Variants in FNIP1 observed in about 807,000 individuals in gnomAD.
FNIP1 encodes folliculin interacting protein 1, also known as folliculin-interacting protein 1.
A neutral mutation model predicts 124.5 loss-of-function variants in FNIP1; 40 were observed. That is an observed-to-expected ratio of 0.32 (90% CI 0.25 to 0.42). The LOEUF (loss-of-function observed/expected upper bound fraction) is 0.42. Ranked by LOEUF, FNIP1 falls within the 10% of genes least tolerant of loss-of-function variation. FNIP1 has a pLI of 1.00. For missense variants in FNIP1, 1,176 were observed against 1,403.7 expected (o/e 0.84, Z 2.59); for synonymous variants, 472 against 470.6 (o/e 1.00, Z -0.04).
intron 1 of FNIP1, among the ~76,000 whole-genome samples, chr5:131,765,566 T>C (rs1258506721): frequency 3.3e-5 from 5 of 152,258 alleles, no homozygotes; most frequent in Non-Finnish European, 7.3e-5. Flanking sequence ...AAATCAAAAC[T>C]ATTTTAATTC....
intron 15 of FNIP1, among the ~76,000 whole-genome samples, chr5:131,659,350 G>A (rs1262204437): frequency 1.3e-5 from 2 of 152,218 alleles, no homozygotes; most frequent in Non-Finnish European, 2.9e-5. Context: ...CCTCAGGGCA[G>A]CAGGATAGCT....
At chr5:131,787,857 T>C (rs1772268690) in intron 1 of FNIP1, among the ~76,000 whole-genome samples, 2 of 152,044 alleles carry the variant, frequency 1.3e-5, no homozygotes. Flanking sequence ...ACACCTGTAA[T>C]CCCAACACTT....
At chr5:131,739,993 C>G (rs894544708) in intron 2 of FNIP1, among the ~76,000 whole-genome samples, 1 of 152,042 alleles carries the variant, frequency 6.6e-6, no homozygotes, top group African/African-American at 2.4e-5. Context: ...ACACTACCCC[C>G]ACCCCAAACA....
intron 1 of FNIP1, among the ~76,000 whole-genome samples, chr5:131,751,953 T>C (rs532783808): frequency 1.1e-3 from 174 of 152,270 alleles, no homozygotes; most frequent in African/African-American, 4.1e-3. Context: ...AAACACTGAA[T>C]CACGCACTTT....
chr5:131,737,338 A>G (rs760028764), intron 2 of FNIP1, among the ~76,000 whole-genome samples: 1 of 152,178 alleles, frequency 6.6e-6, no homozygotes, highest in South Asian at 2.1e-4. Flanking sequence ...ATGTGTGTGT[A>G]TGTGCATCCT....
rs184070349 is a variant in FNIP1, at chr5:131,758,804, A to G, written c.93-14114T>C. On this transcript the variant is annotated intron_variant, in intron 1 of 17. Coordinates refer to ENST00000510461, the MANE Select transcript of FNIP1 (RefSeq NM_133372.3). ...AACTCCTGTAACACACATTACTGAC[A>G]ACTAAAATAGGACTAAGCCATGCAT... Among the ~76,000 whole-genome samples the G allele has an allele frequency of 1.8e-4, 27 of 152,272 alleles. 1 individual carries two copies. The East Asian group carries it at 5.0e-3, about 28-fold the overall frequency.
At chr5:131,698,891 A>C in intron 11 of FNIP1, 26 bp downstream of exon 11, 1 of 1,571,784 alleles carries the variant, frequency 6.4e-7, no homozygotes, top group South Asian at 1.2e-5. Flanking sequence ...GAATTACTGC[A>C]TTATGGAAAG....
At chr5:131,737,116 A>G (rs921409413) in intron 2 of FNIP1, among the ~76,000 whole-genome samples, 1 of 152,244 alleles carries the variant, frequency 6.6e-6, no homozygotes, top group Non-Finnish European at 1.5e-5. Context: ...GAGATAACAA[A>G]GTAAAATAAT....
At chr5:131,690,298 T>C (rs181042076) in intron 11 of FNIP1, among the ~76,000 whole-genome samples, 113 of 152,290 alleles carry the variant, frequency 7.4e-4, no homozygotes, top group South Asian at 6.2e-3. Context: ...ACATTAACAC[T>C]AACCAAAAGA....
intron 1 of FNIP1, among the ~76,000 whole-genome samples, chr5:131,766,345 AGTTTTT>A (rs1771424403): frequency 6.6e-6 from 1 of 152,084 alleles, no homozygotes; most frequent in Non-Finnish European, 1.5e-5. Flanking sequence ...GCTGGCCTGT[AGTTTTT>A]AAAGCCCTGC....
At chr5:131,777,440 A>G (rs903442025) in intron 1 of FNIP1, among the ~76,000 whole-genome samples, 1 of 152,174 alleles carries the variant, frequency 6.6e-6, no homozygotes, top group African/African-American at 2.4e-5. Context: ...CATGCTTGGA[A>G]TAACACACGG....
At chr5:131,723,716 A>G (rs552652822) in intron 3 of FNIP1, among the ~76,000 whole-genome samples, 22 of 152,252 alleles carry the variant, frequency 1.4e-4, no homozygotes, top group Non-Finnish European at 2.9e-4. Flanking sequence ...TTTAAAAAAA[A>G]TTATTATTAT....
At chr5:131,777,052 C>G (rs1239181241) in intron 1 of FNIP1, among the ~76,000 whole-genome samples, 1 of 151,726 alleles carries the variant, frequency 6.6e-6, no homozygotes, top group Non-Finnish European at 1.5e-5. Flanking sequence ...AGCAACATAG[C>G]GAGACTCTGT....
chr5:131,671,871 G>A lies in FNIP1; in HGVS notation c.2573C>T (p.Thr858Ile), dbSNP rs1194863561. 6.2e-7 allele frequency: 1 copy of A among 1,614,006 alleles called. No homozygotes were observed. Among genetic ancestry groups the A allele is most frequent in the Admixed American group, 1.7e-5 (1 of 60,018 alleles). ...CATACAGCAATGGTCTTTACTATCT[G>A]TACTTGTTTTAAATGGAACATCATC... ...TIDDVPFKTS[T>I]DSKDHCCMLE... Residue 858 changes from threonine to isoleucine, a missense_variant, in exon 14 of 18, where the codon ACA becomes ATA. Thr to Ile is a moderately conservative substitution (Grantham distance 89, BLOSUM62 -1). Coordinates refer to ENST00000510461, the MANE Select transcript of FNIP1 (RefSeq NM_133372.3).
At position 131,668,465 on chromosome 5, in the gene FNIP1, C is replaced by T. The variant is rs369118216; in HGVS notation, c.3108+1998G>A. Among the ~76,000 whole-genome samples, 16 of 152,272 alleles carry T rather than the reference C, an allele frequency of 1.1e-4. No homozygotes were observed. The East Asian group carries it at 2.3e-3, about 22-fold the overall frequency. ...CTTTGGGAGGCTGAGGTGGGTGGAT[C>T]ACCTGAGGTCGGAGTTCCAGACCAA... On this transcript the variant is annotated intron_variant, in intron 15 of 17. Coordinates refer to ENST00000510461, the MANE Select transcript of FNIP1 (RefSeq NM_133372.3).
chr5:131,722,493 AGACCAG>A (rs1769700553), intron 3 of FNIP1, among the ~76,000 whole-genome samples: 1 of 152,222 alleles, frequency 6.6e-6, no homozygotes, highest in Non-Finnish European at 1.5e-5. Context: ...TTACAACTGG[AGACCAG>A]GATATACAGC....
intron 3 of FNIP1, among the ~76,000 whole-genome samples, chr5:131,728,939 C>A (rs183912009): frequency 1.3e-5 from 2 of 152,238 alleles, no homozygotes; most frequent in East Asian, 3.9e-4. Flanking sequence ...CAGTCAGGCC[C>A]CTCCGCTGCA....
chr5:131,682,805 A>G (rs1382030223), intron 11 of FNIP1, among the ~76,000 whole-genome samples: 6 of 152,170 alleles, frequency 3.9e-5, no homozygotes, highest in African/African-American at 1.4e-4. Flanking sequence ...TTCAATGGTA[A>G]GAAAAGCAAA....
intron 1 of FNIP1, among the ~76,000 whole-genome samples, chr5:131,780,389 C>A (rs13183449): frequency 0.58 from 87,703 of 152,110 alleles, 29,745 homozygotes; most frequent in Non-Finnish European, 0.76. Context: ...AGGAAAAAGG[C>A]ACAGAACAGA....
Sources: allele counts gnomAD v4.1 joint callset (sites outside exome capture counted in the v4.1 genomes callset), GRCh38; gene constraint gnomAD v4.1.1; transcripts MANE v1.5; gene names NCBI Gene and HGNC (gene_info 2026-07-23, HGNC 2026-07-21).